PTPRD: variants seen among roughly 807,000 people sequenced by gnomAD.
PTPRD encodes protein tyrosine phosphatase receptor type D.
A neutral mutation model predicts 214.5 loss-of-function variants in PTPRD; 34 were observed. The observed-to-expected ratio is 0.16, with a 90% CI of 0.12 to 0.21. The LOEUF (loss-of-function observed/expected upper bound fraction) is 0.21. Among genes scored for constraint, PTPRD ranks in the 10% least tolerant of loss-of-function variants. The probability of loss-of-function intolerance (pLI) is 1.00; values close to 1 mark genes in which losing one functional copy is unlikely to be tolerated. For missense variants in PTPRD, 2,545 were observed against 2,398.7 expected (o/e 1.06, Z -1.27); for synonymous variants, 1,128 against 845.7 (o/e 1.33, Z -5.79).
At chr9:9,955,122 G>C (rs1310202496) in intron 4 of PTPRD, among the ~76,000 whole-genome samples, 1 of 152,162 alleles carries the variant, frequency 6.6e-6, no homozygotes, top group African/African-American at 2.4e-5. Context: ...GGCATAGAAA[G>C]CCTAACAGCA....
chr9:8,993,356 T>G (rs1439770470), intron 11 of PTPRD, among the ~76,000 whole-genome samples: 1 of 152,104 alleles, frequency 6.6e-6, no homozygotes, highest in Non-Finnish European at 1.5e-5. Context: ...ATGTGAAAAT[T>G]TTGGCTTATA....
intron 3 of PTPRD, among the ~76,000 whole-genome samples, chr9:10,110,748 GA>G (rs1341243006): frequency 1.3e-5 from 2 of 152,176 alleles, no homozygotes; most frequent in African/African-American, 4.8e-5. Context: ...ACTTAATACA[GA>G]AATAGCTCCT....
chr9:9,346,657 A>G (rs565082930), intron 9 of PTPRD, among the ~76,000 whole-genome samples: 1 of 152,052 alleles, frequency 6.6e-6, no homozygotes, highest in African/African-American at 2.4e-5. Context: ...GTATGTTTTT[A>G]TTTGTACTAT....
intron 14 of PTPRD, among the ~76,000 whole-genome samples, chr9:8,566,518 C>T (rs1030073134): frequency 6.6e-6 from 1 of 152,144 alleles, no homozygotes; most frequent in Non-Finnish European, 1.5e-5. Context: ...TTGGCCCTAA[C>T]AGCAATGTTC....
chr9:8,569,944 A>G (rs1422602403), intron 14 of PTPRD, among the ~76,000 whole-genome samples: 1 of 152,172 alleles, frequency 6.6e-6, no homozygotes, highest in Admixed American at 6.6e-5. Context: ...GCAGATATCA[A>G]CAACATTTGG....
At chr9:8,727,575 T>C (rs1483240691) in intron 12 of PTPRD, among the ~76,000 whole-genome samples, 4 of 152,212 alleles carry the variant, frequency 2.6e-5, no homozygotes, top group Non-Finnish European at 5.9e-5. Flanking sequence ...AGATTGCATA[T>C]ACTAAAGGGA....
rs117764086 is a variant in PTPRD, at chr9:9,651,086, G to A, written c.-286-76305C>T. On this transcript the variant is annotated intron_variant, in intron 7 of 45. Transcript: ENST00000381196. ...AGAAAGGATAAATAATATACCCATG[G>A]TTACTCTTCTAATAACTGGGATATC... Among the ~76,000 whole-genome samples the A allele has an allele frequency of 6.4e-3, 976 of 152,018 alleles. 25 individuals carry two copies. The highest frequency in any genetic ancestry group is 0.036 in the Admixed American group (557 of 15,264).
intron 11 of PTPRD, among the ~76,000 whole-genome samples, chr9:8,902,604 C>CA (rs1387672838): frequency 5.3e-5 from 8 of 152,050 alleles, no homozygotes; most frequent in Non-Finnish European, 1.0e-4. Context: ...CTCAGCCTCC[C>CA]AAAGTGCTGG....
At chr9:10,531,718 G>C (rs2056402752) in intron 2 of PTPRD, among the ~76,000 whole-genome samples, 1 of 151,990 alleles carries the variant, frequency 6.6e-6, no homozygotes, top group African/African-American at 2.4e-5. Context: ...GGCTCAACTG[G>C]GTGCAATTTT....
At chr9:9,846,971 C>T (rs1163180816) in intron 5 of PTPRD, among the ~76,000 whole-genome samples, 1 of 151,892 alleles carries the variant, frequency 6.6e-6, no homozygotes, top group African/African-American at 2.4e-5. Flanking sequence ...GAATATCATG[C>T]CATAAAATAT....
intron 9 of PTPRD, among the ~76,000 whole-genome samples, chr9:9,389,128 A>T (rs909351455): frequency 3.3e-5 from 5 of 152,202 alleles, no homozygotes; most frequent in South Asian, 2.1e-4. Flanking sequence ...GTGAGGATTA[A>T]ATTTGATAAT....
chr9:8,868,102 G>C (rs2098230695), intron 11 of PTPRD, among the ~76,000 whole-genome samples: 1 of 152,138 alleles, frequency 6.6e-6, no homozygotes, highest in Non-Finnish European at 1.5e-5. Flanking sequence ...TTGTGCATTA[G>C]AATCTGTACC....
At chr9:9,956,963 T>C (rs1255517494) in intron 4 of PTPRD, among the ~76,000 whole-genome samples, 1 of 152,150 alleles carries the variant, frequency 6.6e-6, no homozygotes, top group Non-Finnish European at 1.5e-5. Context: ...AAAAAATCAG[T>C]GCCCGTAACT....
chr9:9,272,178 T>A (rs753471427), intron 9 of PTPRD, among the ~76,000 whole-genome samples: 4 of 151,276 alleles, frequency 2.6e-5, no homozygotes, highest in Non-Finnish European at 5.9e-5. Context: ...TGAAACTGCA[T>A]ACCCCAGAGG....
intron 8 of PTPRD, among the ~76,000 whole-genome samples, chr9:9,503,149 G>A (rs2096472461): frequency 6.6e-6 from 1 of 151,712 alleles, no homozygotes; most frequent in African/African-American, 2.4e-5. Flanking sequence ...TGTTTTAAAT[G>A]TATCTTGTCA....
At chr9:9,838,265 G>A (rs1267351257) in intron 5 of PTPRD, among the ~76,000 whole-genome samples, 2 of 152,012 alleles carry the variant, frequency 1.3e-5, no homozygotes, top group African/African-American at 4.8e-5. Context: ...ATGATTTGTA[G>A]TCCTTTGGGT....
At chr9:9,155,861 G>C (rs1283711634) in intron 10 of PTPRD, among the ~76,000 whole-genome samples, 1 of 152,078 alleles carries the variant, frequency 6.6e-6, no homozygotes, top group Non-Finnish European at 1.5e-5. Flanking sequence ...TCTAAAATTT[G>C]AACATTTGCT....
intron 9 of PTPRD, among the ~76,000 whole-genome samples, chr9:9,273,484 C>T (rs1426502236): frequency 1.3e-5 from 2 of 151,194 alleles, no homozygotes; most frequent in Admixed American, 6.6e-5. Flanking sequence ...TTTTATCTTT[C>T]TTATATAGTG....
At chr9:9,011,023 CA>C (rs1364542488) in intron 11 of PTPRD, among the ~76,000 whole-genome samples, 1 of 152,130 alleles carries the variant, frequency 6.6e-6, no homozygotes, top group Non-Finnish European at 1.5e-5. Flanking sequence ...TCATATGTAG[CA>C]TGCTCATAAT....
Sources: gnomAD v4.1 joint callset for allele counts (sites outside exome capture counted in the v4.1 genomes callset) on GRCh38, gnomAD v4.1.1 for gene constraint, MANE v1.5 for transcripts, NCBI Gene and HGNC (gene_info 2026-07-23, HGNC 2026-07-21) for gene names.